CHD9: variants seen among roughly 807,000 people sequenced by gnomAD.
CHD9 encodes ATP-dependent chromatin remodeler CHD9.
CHD9 carries 77 observed loss-of-function variants against 316.1 expected under a neutral mutation model. The observed-to-expected ratio is 0.24, with a 90% CI of 0.20 to 0.29. CHD9 has a LOEUF of 0.29. Among genes scored for constraint, CHD9 ranks in the 10% least tolerant of loss-of-function variants. The pLI is 1.00. For synonymous variants in CHD9, 1,129 were observed against 1,158.3 expected (o/e 0.97, Z 0.51); for missense variants, 2,763 against 3,438.1 (o/e 0.80, Z 4.91).
intron 32 of CHD9, 141 bp from the exon 33 acceptor site, chr16:53,307,540 T>C (rs554309021): frequency 1.4e-6 from 1 of 701,424 alleles, no homozygotes; most frequent in East Asian, 2.7e-5. Flanking sequence ...AATTGTAATA[T>C]ATATATACAC....
Position 53,307,922 on chromosome 16 carries a change from G to A in CHD9, c.7022G>A (p.Arg2341Gln), listed in dbSNP as rs1356995081. Residue 2341 changes from arginine to glutamine, a missense_variant, in exon 33 of 39, where the codon CGA becomes CAA. Arg to Gln is a conservative substitution (Grantham distance 43). Coordinates refer to ENST00000447540, the MANE Select transcript of CHD9 (RefSeq NM_001308319.2). ...TQMSKVKKHVREKEFTVKIKD... is the reference protein window; with the variant it reads ...TQMSKVKKHVQEKEFTVKIKD... Reference sequence around the variant, plus strand: ...ATGTCAAAGGTGAAGAAGCATGTACGAGAAAAGGAGTTTACAGTGAAAATC... The same window carrying A: ...ATGTCAAAGGTGAAGAAGCATGTACAAGAAAAGGAGTTTACAGTGAAAATC... The A allele has an allele frequency of 2.5e-6, 4 of 1,611,222 alleles. No homozygotes were observed. Among genetic ancestry groups the A allele is most frequent in the East Asian group, 2.2e-5 (1 of 44,834 alleles).
chr16:53,140,891 A>T (rs946138151), intron 1 of CHD9, among the ~76,000 whole-genome samples: 4 of 152,218 alleles, frequency 2.6e-5, no homozygotes, highest in Non-Finnish European at 5.9e-5. Context: ...TTTCTGTGAC[A>T]TGCAAAGCAA....
At chr16:53,159,342 T>C (rs936688471) in intron 2 of CHD9, among the ~76,000 whole-genome samples, 3 of 152,174 alleles carry the variant, frequency 2.0e-5, no homozygotes, top group African/African-American at 7.2e-5. Context: ...GTGCAGTTTT[T>C]CCCTTACTTT....
intron 1 of CHD9, among the ~76,000 whole-genome samples, chr16:53,089,155 G>A (rs1409807804): frequency 2.6e-5 from 4 of 151,080 alleles, no homozygotes; most frequent in Admixed American, 6.6e-5. Flanking sequence ...CCATGGTGGC[G>A]TGCACCTGTA....
In CHD9 at chr16:53,245,580, TCA is replaced by T; in HGVS notation, c.3199-14_3199-13del. 6.5e-7 allele frequency: 1 copy of T among 1,541,896 alleles called. No homozygotes were observed. The highest frequency in any genetic ancestry group is 8.7e-7 in the Non-Finnish European group (1 of 1,148,992). On this transcript the variant is annotated splice_polypyrimidine_tract_variant and intron_variant, in intron 14 of 38. Coordinates refer to ENST00000447540, the MANE Select transcript of CHD9 (RefSeq NM_001308319.2). The surrounding 1 kb of genome is among the most constrained non-coding windows in gnomAD (Gnocchi z 4.1). The stretch of plus-strand genomic sequence containing the variant: ...CTCACTTATGTTATATGTCTTTTTA[TCA>T]TTTTTTATTCAGGTACAGAAACTTC...
intron 2 of CHD9, among the ~76,000 whole-genome samples, chr16:53,161,815 G>T (rs1417406482): frequency 6.6e-6 from 1 of 151,952 alleles, no homozygotes; most frequent in Non-Finnish European, 1.5e-5. Context: ...TGCAGTGGTA[G>T]ATCTCAGCTT....
At chr16:53,112,886 G>A (rs979179884) in intron 1 of CHD9, among the ~76,000 whole-genome samples, 12 of 152,076 alleles carry the variant, frequency 7.9e-5, no homozygotes, top group East Asian at 3.9e-4. Context: ...GGTGTCTCAC[G>A]CCTGTAGTTC....
chr16:53,083,843 T>C (rs1452401576), intron 1 of CHD9, among the ~76,000 whole-genome samples: 1 of 152,018 alleles, frequency 6.6e-6, no homozygotes, highest in African/African-American at 2.4e-5. Flanking sequence ...CTTGAACTCA[T>C]GGCCTCAAGC....
intron 2 of CHD9, among the ~76,000 whole-genome samples, chr16:53,200,216 C>A (rs1241612151): frequency 4.0e-5 from 6 of 151,800 alleles, no homozygotes; most frequent in African/African-American, 1.5e-4. Flanking sequence ...ACTAAAAATA[C>A]AAAAATTAGC....
chr16:53,255,005 T>G (rs1034800224), intron 18 of CHD9, among the ~76,000 whole-genome samples: 29 of 152,130 alleles, frequency 1.9e-4, no homozygotes, highest in African/African-American at 6.8e-4. Context: ...GCCTAATATC[T>G]ATCGGTAATA....
rs561885565 is a variant in CHD9 at position 53,245,221 on chromosome 16, A to G, written c.3055-115A>G. On this transcript the variant is annotated intron_variant, in intron 13 of 38. Coordinates refer to ENST00000447540, the MANE Select transcript of CHD9 (RefSeq NM_001308319.2). The surrounding 1 kb of genome is among the most constrained non-coding windows in gnomAD (Gnocchi z 4.1). ...ACACACACACACACATAACATATAT[A>G]TATGTATATATAGTCAGAAAAATAT... 3.0e-6 allele frequency: 2 copies of G among 672,698 alleles called. No homozygotes were observed. The highest frequency in any genetic ancestry group is 4.7e-6 in the Non-Finnish European group (2 of 428,254). 41.7% of individuals were successfully genotyped at this position (672,698 alleles called of 1,614,324 possible).
intron 18 of CHD9, among the ~76,000 whole-genome samples, chr16:53,255,281 C>T (rs1331132306): frequency 6.6e-6 from 1 of 151,868 alleles, no homozygotes; most frequent in Admixed American, 6.6e-5. Context: ...TGCACTCTAG[C>T]ATGGATAACA....
chr16:53,139,303 A>T (rs946182425), intron 1 of CHD9, among the ~76,000 whole-genome samples: 8 of 152,174 alleles, frequency 5.3e-5, no homozygotes, highest in Non-Finnish European at 8.8e-5. Context: ...ATATATTTTA[A>T]AATTTCTAAG....
Position 53,156,308 on chromosome 16 carries a change from A to C in CHD9, c.219A>C (p.Gln73His). 6.2e-7 allele frequency: 1 copy of C among 1,613,976 alleles called. No individual in the cohort carries two copies. The highest frequency in any genetic ancestry group is 8.5e-7 in the Non-Finnish European group (1 of 1,179,860). The part of the protein sequence containing the change: ...QKMTDFEQLN[Q>H]FDSIKFHHVN... Reference sequence around the variant, plus strand: ...TGACTGATTTTGAACAGTTAAATCAATTTGATTCAATAAAATTTCACCATG... The same window carrying C: ...TGACTGATTTTGAACAGTTAAATCACTTTGATTCAATAAAATTTCACCATG... Residue 73 changes from glutamine (Q) to histidine (H), a missense_variant, in exon 2 of 39, where the codon CAA becomes CAC. Gln to His is a conservative substitution (Grantham distance 24). Around this residue, in one of 15 missense-constraint regions of CHD9, gnomAD observed 859 missense variants for 890.4 expected, o/e 0.96. Transcript: ENST00000447540.
intron 2 of CHD9, among the ~76,000 whole-genome samples, chr16:53,178,437 T>C (rs796441113): frequency 1.4e-4 from 20 of 145,918 alleles, no homozygotes; most frequent in African/African-American, 4.5e-4. Flanking sequence ...CTTTTTTTTT[T>C]TTTTTTTTTT....
intron 2 of CHD9, among the ~76,000 whole-genome samples, chr16:53,189,781 A>G (rs2044332761): frequency 6.6e-6 from 1 of 152,108 alleles, no homozygotes; most frequent in Admixed American, 6.5e-5. Flanking sequence ...TAGACTGTGC[A>G]ATTTTTTCCA....
chr16:53,178,512 A>G (rs1210191336), intron 2 of CHD9, among the ~76,000 whole-genome samples: 1 of 135,400 alleles, frequency 7.4e-6, no homozygotes, highest in African/African-American at 2.8e-5. Context: ...GGCTCACTGT[A>G]CCCTTGACCT....
rs141864985 is a variant in CHD9, at chr16:53,306,926, C to T, written c.6780+529C>T. ...TCCCAAGTAGCTGAGATTACAGGCA[C>T]CCACCACCCTACCTGGCTAATTTTT... On this transcript the variant is annotated intron_variant, in intron 32 of 38. Coordinates refer to ENST00000447540, the MANE Select transcript of CHD9 (RefSeq NM_001308319.2). Among the ~76,000 whole-genome samples the T allele has an allele frequency of 2.8e-3, 424 of 152,174 alleles. 3 individuals are homozygous for T. Among genetic ancestry groups the T allele is most frequent in the African/African-American group, 9.9e-3 (410 of 41,530 alleles).
Position 53,317,869 on chromosome 16 carries a change from T to C in CHD9, c.7585-343T>C, listed in dbSNP as rs932186559. ...AAGAGTTCAAGATCAGCCTGGGCAA[T>C]GCGGCAAAACTTTCATCTCTACAAA... On this transcript the variant is annotated intron_variant, in intron 36 of 38. Transcript: ENST00000447540. Among the ~76,000 whole-genome samples the C allele has an allele frequency of 7.2e-5, 11 of 151,840 alleles. No individual in the cohort carries two copies. In the South Asian group the frequency reaches 2.3e-3, roughly 32 times the overall value.
Sources: allele counts gnomAD v4.1 joint callset (sites outside exome capture counted in the v4.1 genomes callset), GRCh38; gene constraint gnomAD v4.1.1; regional missense constraint gnomAD v4.1.1; non-coding constraint Gnocchi (gnomAD v3.1); transcripts MANE v1.5; gene names NCBI Gene and HGNC (gene_info 2026-07-23, HGNC 2026-07-21).